CLTRN: variants seen among roughly 807,000 people sequenced by gnomAD.
CLTRN encodes collectrin.
CLTRN carries 12 observed loss-of-function variants against 14.5 expected under a neutral mutation model. That is an observed-to-expected ratio of 0.83 (90% CI 0.53 to 1.34). The LOEUF is 1.34. CLTRN is among the 40% of genes most tolerant of loss of function. CLTRN has a pLI of 0.00. For synonymous variants in CLTRN, 58 were observed against 56.5 expected (o/e 1.03, Z -0.12); for missense variants, 154 against 165.1 (o/e 0.93, Z 0.37).
At chrX:15,631,956 T>C (rs748608616) in intron 5 of CLTRN, among the ~76,000 whole-genome samples, 17 of 112,562 alleles carry the variant, frequency 1.5e-4, no homozygotes, top group African/African-American at 5.5e-4. Flanking sequence ...TCATTCTGAT[T>C]TGATGTTCTG....
chrX:15,660,595 G>C (rs935106502), intron 2 of CLTRN, among the ~76,000 whole-genome samples: 1 of 107,914 alleles, frequency 9.3e-6, no homozygotes, highest in African/African-American at 3.4e-5. Context: ...CTTGAGCCCA[G>C]GAGCTCAAGA....
chrX:15,645,102 GCTA>G (rs936987792), intron 3 of CLTRN, 73 bp from the exon 4 acceptor site: 1 of 576,413 alleles, frequency 1.7e-6, no homozygotes, highest in African/African-American at 2.3e-5. Flanking sequence ...TCACTCTGAT[GCTA>G]CTACTATCTT....
intron 5 of CLTRN, among the ~76,000 whole-genome samples, chrX:15,637,436 G>T (rs1027912883): frequency 4.5e-5 from 5 of 111,713 alleles, no homozygotes; most frequent in African/African-American, 1.3e-4. Context: ...TCTTCAGAAG[G>T]TTGTCATAAT....
At chrX:15,656,990 C>G (rs753308039) in intron 3 of CLTRN, among the ~76,000 whole-genome samples, 5 of 110,079 alleles carry the variant, frequency 4.5e-5, no homozygotes, top group Non-Finnish European at 1.9e-5. Flanking sequence ...GACATATATC[C>G]TGTGTACCCA....
chrX:15,660,249 T>TA (rs1255019352), intron 2 of CLTRN, among the ~76,000 whole-genome samples: 1 of 111,916 alleles, frequency 8.9e-6, no homozygotes, highest in Non-Finnish European at 1.9e-5. Flanking sequence ...ATTACTCAGT[T>TA]ACCTTCTCTG....
intron 3 of CLTRN, among the ~76,000 whole-genome samples, chrX:15,654,750 T>C (rs925884318): frequency 1.8e-5 from 2 of 112,819 alleles, no homozygotes; most frequent in Admixed American, 1.9e-4. Context: ...CTACCAGGGC[T>C]AGGTTCCTGG....
intron 1 of CLTRN, 30 bp downstream of exon 1, chrX:15,664,688 C>A: frequency 8.7e-7 from 1 of 1,148,892 alleles, no homozygotes; most frequent in Non-Finnish European, 1.2e-6. Context: ...GAAAACTGTT[C>A]ATCTATTTTT....
chrX:15,644,767 T>C (rs961704720), intron 4 of CLTRN, 149 bp downstream of exon 4: 20 of 425,002 alleles, frequency 4.7e-5, no homozygotes, highest in Non-Finnish European at 5.2e-5. Flanking sequence ...TACTCATCTC[T>C]AACAGAAACT....
chrX:15,662,731 CTCTT>C (rs1451023860), intron 2 of CLTRN, among the ~76,000 whole-genome samples: 1 of 111,611 alleles, frequency 9.0e-6, no homozygotes, highest in Non-Finnish European at 1.9e-5. Context: ...ACGAAAAGAG[CTCTT>C]TCTAAAATCA....
At chrX:15,670,308 AACACACACACACACACACACAC>A (rs753295306) in intron 1 of CLTRN, among the ~76,000 whole-genome samples, 1 of 86,302 alleles carries the variant, frequency 1.2e-5, no homozygotes, top group Non-Finnish European at 2.3e-5. Context: ...CCAAAAACAA[AACACACACACACACACACACAC>A]ACACACACAC....
At chrX:15,656,938 T>A (rs112168384) in intron 3 of CLTRN, among the ~76,000 whole-genome samples, 201 of 111,139 alleles carry the variant, frequency 1.8e-3, no homozygotes, top group African/African-American at 6.3e-3. Context: ...AAGGTGCCAT[T>A]ACTTGCAATG....
intron 5 of CLTRN, among the ~76,000 whole-genome samples, chrX:15,638,999 T>A (rs1399602973): frequency 8.9e-6 from 1 of 111,927 alleles, no homozygotes; most frequent in Non-Finnish European, 1.9e-5. Flanking sequence ...CCAGGTGATG[T>A]CTGATGCTGA....
At position 15,646,421 on chromosome X, in the gene CLTRN, C is replaced by G. The variant is rs745525475; in HGVS notation, c.204-1392G>C. 344 of 314,562 alleles carry G rather than the reference C, an allele frequency of 1.1e-3. 2 individuals are homozygous for G. The highest frequency in any genetic ancestry group is 1.9e-3 in the Non-Finnish European group (296 of 157,927). The allele number at this position is 314,562 out of a possible 1,213,427, so 25.9% of individuals were successfully genotyped here. A position where few individuals can be genotyped will look rare whatever the true frequency, so the allele number is the denominator to read the frequency against. On this transcript the variant is annotated intron_variant, in intron 3 of 5. Coordinates refer to ENST00000380342, the MANE Select transcript of CLTRN (RefSeq NM_020665.6). ...CTGCTCTCATGGGCAGCTACCTGAGCGGCTTCCTGGGCTGGCTCTGGGCCA... is the reference window on the plus strand; with the variant it reads ...CTGCTCTCATGGGCAGCTACCTGAGGGGCTTCCTGGGCTGGCTCTGGGCCA...
upstream of CLTRN, among the ~76,000 whole-genome samples, chrX:15,675,387 C>T (rs1255340417): frequency 9.1e-6 from 1 of 109,936 alleles, no homozygotes; most frequent in African/African-American, 3.4e-5. Context: ...GAAGTAGGGA[C>T]ATGACGTAGT....
At chrX:15,670,078 C>T (rs1262350201) in intron 1 of CLTRN, among the ~76,000 whole-genome samples, 1 of 110,270 alleles carries the variant, frequency 9.1e-6, no homozygotes, top group Non-Finnish European at 1.9e-5. Flanking sequence ...GAGTTCAAGA[C>T]AGGCCTGGAC....
At chrX:15,667,362 G>A (rs1284961133), upstream of CLTRN, among the ~76,000 whole-genome samples, 4 of 112,448 alleles carry the variant, frequency 3.6e-5, no homozygotes, top group Admixed American at 2.8e-4. Flanking sequence ...GATGTAACTC[G>A]GGTTGAAGAC....
At chrX:15,665,718 A>G (rs891766653), upstream of CLTRN, among the ~76,000 whole-genome samples, 3 of 112,422 alleles carry the variant, frequency 2.7e-5, no homozygotes, top group Non-Finnish European at 3.8e-5. Flanking sequence ...GCTACTGACT[A>G]CATTGGTCAG....
chrX:15,644,164 G>A (rs1055887981), intron 4 of CLTRN, among the ~76,000 whole-genome samples: 2 of 112,029 alleles, frequency 1.8e-5, no homozygotes, highest in Non-Finnish European at 1.9e-5. Flanking sequence ...ACTTGAAATG[G>A]GCAAAACAGA....
chrX:15,641,248 T>A (rs1332441655), intron 4 of CLTRN, among the ~76,000 whole-genome samples: 1 of 111,670 alleles, frequency 9.0e-6, no homozygotes. Context: ...TAAGTGAATT[T>A]CTAACTGTAA....
Sources: gnomAD v4.1 joint callset for allele counts (sites outside exome capture counted in the v4.1 genomes callset) on GRCh38, gnomAD v4.1.1 for gene constraint, MANE v1.5 for transcripts, NCBI Gene and HGNC (gene_info 2026-07-23, HGNC 2026-07-21) for gene names.